Variants in ODAM observed in about 807,000 individuals in gnomAD.
The protein encoded by ODAM is odontogenic ameloblast-associated protein.
ODAM carries 55 observed loss-of-function variants against 48.5 expected under a neutral mutation model. The observed-to-expected ratio is 1.13, with a 90% CI of 0.91 to 1.42. The LOEUF is 1.42. ODAM is among the 40% of genes most tolerant of loss of function. The pLI is 0.00. For synonymous variants in ODAM, 127 were observed against 107.8 expected, an observed-to-expected ratio of 1.18 and a Z score of -1.10; for missense variants, 353 against 323.6, an observed-to-expected ratio of 1.09 and a Z score of -0.70.
rs1214445673 is a variant in ODAM, at chr4:70,204,228, A to C, written c.*83A>C. The C allele has an allele frequency of 2.0e-5, 3 of 151,960 alleles. No homozygotes were observed. The highest frequency in any genetic ancestry group is 7.2e-5 in the African/African-American group (3 of 41,406). The allele number at this position is 151,960 out of a possible 1,614,324, so 9.4% of individuals were successfully genotyped here. On this transcript the variant is annotated 3_prime_UTR_variant, in exon 12 of 12. Transcript: ENST00000683306. ...TAATTTTAGGCTATTAGCTTCCTCA[A>C]TACTAGTATCAGTTCTTTGGAATAC...
Position 70,198,032 on chromosome 4 carries a change from G to A in ODAM, c.250G>A (p.Ala84Thr). ...CTCTTTATCAGCTCTAGACCAGTTTGCTGGACTGCTCCCAAATCAGATACC... is the reference window on the plus strand; with the variant it reads ...CTCTTTATCAGCTCTAGACCAGTTTACTGGACTGCTCCCAAATCAGATACC... ...QFSLSALDQFAGLLPNQIPLT... is the reference protein window; with the variant it reads ...QFSLSALDQFTGLLPNQIPLT... The change falls in exon 5 of 12, where the codon GCT becomes ACT. Residue 84 changes from alanine to threonine, a missense_variant. Ala to Thr is a moderately conservative substitution (Grantham distance 58). Coordinates refer to ENST00000683306, the MANE Select transcript of ODAM (RefSeq NM_017855.4). The A allele has an allele frequency of 6.2e-7, 1 of 1,613,256 alleles. No homozygotes were observed. Among genetic ancestry groups the A allele is most frequent in the African/African-American group, 1.3e-5 (1 of 74,902 alleles).
intron 9 of ODAM, 32 bp from the exon 10 acceptor site, chr4:70,202,724 G>T (rs200186812): frequency 6.4e-7 from 1 of 1,567,830 alleles, no homozygotes; most frequent in South Asian, 1.2e-5. Flanking sequence ...TTGAACTTAC[G>T]ACAACTTTGT....
chr4:70,199,950 A>G (rs1213354148), intron 6 of ODAM, among the ~76,000 whole-genome samples: 1 of 151,998 alleles, frequency 6.6e-6, no homozygotes, highest in African/African-American at 2.4e-5. Context: ...TGGAAGCCAC[A>G]TGGTAATGTA....
chr4:70,202,705 G>A, intron 9 of ODAM, 51 bp from the exon 10 acceptor site: 1 of 1,426,834 alleles, frequency 7.0e-7, no homozygotes, highest in South Asian at 1.3e-5. Flanking sequence ...CCCAATTTTG[G>A]CCTTCTTGTT....
Position 70,201,460 on chromosome 4 carries a change from T to G in ODAM, c.535T>G (p.Phe179Val). 1 of 1,497,436 alleles carries G rather than the reference T, an allele frequency of 6.7e-7. No individual in the cohort carries two copies. Among genetic ancestry groups the G allele is most frequent in the Admixed American group, 1.7e-5 (1 of 57,572 alleles). The allele number at this position is 1,497,436 out of a possible 1,614,324, so 92.8% of individuals were successfully genotyped here. ...RQQQYEEQIP[F>V]YAQFGYIPQL... Reference sequence around the variant, plus strand: ...TTTTTAAAAAATCTGACAGATACCATTCTATGCTCAATTTGGATACATTCC... The same window carrying G: ...TTTTTAAAAAATCTGACAGATACCAGTCTATGCTCAATTTGGATACATTCC... Residue 179 changes from phenylalanine (F) to valine (V), a missense_variant, in exon 8 of 12, where the codon TTC (phenylalanine) becomes GTC (valine). Phe to Val is a conservative substitution (Grantham distance 50). Transcript: ENST00000683306.
intron 7 of ODAM, 126 bp from the exon 8 acceptor site, chr4:70,201,328 C>T (rs997684407): frequency 1.7e-5 from 9 of 532,810 alleles, no homozygotes; most frequent in Admixed American, 1.2e-4. Context: ...GTTACTGGAA[C>T]ATATAAACTT....
chr4:70,195,971 T>C (rs1165424061), intron 1 of ODAM, among the ~76,000 whole-genome samples, 178 bp downstream of exon 1: 1 of 151,992 alleles, frequency 6.6e-6, no homozygotes, highest in Non-Finnish European at 1.5e-5. Context: ...CATAAATCAA[T>C]ATCACAGTTC....
intron 9 of ODAM, 56 bp downstream of exon 9, chr4:70,202,385 C>A: frequency 7.7e-7 from 1 of 1,300,226 alleles, no homozygotes; most frequent in Non-Finnish European, 1.1e-6. Flanking sequence ...TGACAACTTA[C>A]TGCACTAATG....
At chr4:70,203,378 C>T (rs1050501270) in intron 11 of ODAM, among the ~76,000 whole-genome samples, 164 bp downstream of exon 11, 3 of 151,818 alleles carry the variant, frequency 2.0e-5, no homozygotes, top group Non-Finnish European at 4.4e-5. Flanking sequence ...TGGACTTCAA[C>T]AATTTTTAAA....
chr4:70,196,321 C>T (rs1729361308), intron 1 of ODAM, among the ~76,000 whole-genome samples: 1 of 151,882 alleles, frequency 6.6e-6, no homozygotes, highest in Non-Finnish European at 1.5e-5. Context: ...AGCAAACAAT[C>T]TTGGTTTTTA....
chr4:70,202,894 AC>A lies in ODAM; in HGVS notation c.791del (p.Pro264GlnfsTer13). The A allele has an allele frequency of 6.2e-7, 1 of 1,611,102 alleles. No homozygotes were observed. The highest frequency in any genetic ancestry group is 8.5e-7 in the Non-Finnish European group (1 of 1,178,646). On this transcript the variant is annotated frameshift_variant, in exon 10 of 12. Coordinates refer to ENST00000683306, the MANE Select transcript of ODAM (RefSeq NM_017855.4). LOFTEE classifies it high-confidence loss of function. The part of the protein sequence containing the change: ...VFTSAVDQTI[T>X]PELPEEKDKT... ...CACTTCTGCTGTAGACCAAACTATTACCCCAGAGCTCCCAGAAGAGAAGGTA... is the reference window on the plus strand; with the variant it reads ...CACTTCTGCTGTAGACCAAACTATTACCCAGAGCTCCCAGAAGAGAAGGTA...
intron 9 of ODAM, 92 bp from the exon 10 acceptor site, chr4:70,202,664 T>C: frequency 1.1e-6 from 1 of 896,928 alleles, no homozygotes; most frequent in South Asian, 1.9e-5. Context: ...AATGCTTTTG[T>C]TACATCTCAA....
chr4:70,202,296 C>T lies in ODAM; in HGVS notation c.615C>T (p.Pro205=), dbSNP rs1729515666. The change falls in exon 9 of 12, where the codon CCC becomes CCT. Residue 205 remains proline (P), a synonymous_variant. Transcript: ENST00000683306. ...SGGQQQLAFD[P]QLGTAPEIAV... ...GACAGCAGCAACTAGCTTTTGATCC[C>T]CAACTAGGCACAGCTCCTGAAATTG... is the stretch of plus-strand genomic sequence containing the variant. 1.2e-6 allele frequency: 2 copies of T among 1,611,778 alleles called. No homozygotes were observed. The highest frequency in any genetic ancestry group is 2.7e-5 in the African/African-American group (2 of 74,748).
At chr4:70,196,618 A>G (rs779283484) in intron 2 of ODAM, 24 bp downstream of exon 2, 3 of 1,590,578 alleles carry the variant, frequency 1.9e-6, no homozygotes, top group Non-Finnish European at 2.6e-6. Context: ...TGGCACTACT[A>G]GTCCCACTGT....
intron 6 of ODAM, among the ~76,000 whole-genome samples, chr4:70,199,223 A>G (rs1729445682): frequency 6.6e-6 from 1 of 151,966 alleles, no homozygotes; most frequent in Non-Finnish European, 1.5e-5. Flanking sequence ...AAACCCTATA[A>G]ATATCAGGAT....
chr4:70,199,697 A>G (rs1729455427), intron 6 of ODAM, among the ~76,000 whole-genome samples: 1 of 152,054 alleles, frequency 6.6e-6, no homozygotes, highest in South Asian at 2.1e-4. Context: ...AAGTTTGGTC[A>G]TCTTCTAAAA....
chr4:70,197,097 T>G (rs1729383357), intron 3 of ODAM, among the ~76,000 whole-genome samples, 177 bp from the exon 4 acceptor site: 1 of 152,026 alleles, frequency 6.6e-6, no homozygotes, highest in African/African-American at 2.4e-5. Context: ...ATCCCAACCT[T>G]GTTTTAAATC....
At chr4:70,200,866 C>T (rs963996608) in intron 7 of ODAM, among the ~76,000 whole-genome samples, 1 of 151,826 alleles carries the variant, frequency 6.6e-6, no homozygotes, top group African/African-American at 2.4e-5. Flanking sequence ...AGCTGAATAA[C>T]CTCGAAAAGT....
intron 7 of ODAM, 99 bp downstream of exon 7, chr4:70,200,700 G>A (rs1578238061): frequency 1.5e-6 from 1 of 679,438 alleles, no homozygotes; most frequent in Non-Finnish European, 2.5e-6. Flanking sequence ...TATATTTAAT[G>A]CAAACACTCA....
Sources: allele counts gnomAD v4.1 joint callset (sites outside exome capture counted in the v4.1 genomes callset), GRCh38; gene constraint gnomAD v4.1.1; transcripts MANE v1.5; gene names NCBI Gene and HGNC (gene_info 2026-07-23, HGNC 2026-07-21).